Variants in NCOA2 observed in about 807,000 individuals in gnomAD.
NCOA2 encodes the protein nuclear receptor coactivator 2.
Under a neutral mutation model 145.1 loss-of-function variants are expected in NCOA2, and 21 were observed. The observed-to-expected ratio is 0.14, with a 90% CI of 0.10 to 0.21. The LOEUF (loss-of-function observed/expected upper bound fraction) is 0.21, where lower values mean the gene tolerates loss of function less well. NCOA2 is among the 10% of genes least tolerant of loss of function. NCOA2 has a pLI of 1.00. For missense variants in NCOA2, 1,472 were observed against 1,837.6 expected (o/e 0.80, Z 3.64); for synonymous variants, 619 against 637.5 (o/e 0.97, Z 0.44).
In NCOA2 at chr8:70,306,352, T is replaced by C. The variant is rs972002363; in HGVS notation, c.-76-9552A>G. Among the ~76,000 whole-genome samples, 5 of 152,270 alleles carry C rather than the reference T, an allele frequency of 3.3e-5. 1 individual carries two copies. In the South Asian group the frequency reaches 1.0e-3, roughly 32 times the overall value. On this transcript the variant is annotated intron_variant, in intron 1 of 22. Coordinates refer to ENST00000452400, the MANE Select transcript of NCOA2 (RefSeq NM_006540.4). ...TTAAAACTTGGGCCTCACTATCCTATCTTAACCAATTGCTATTCAACCTCC... is the reference window on the plus strand; with the variant it reads ...TTAAAACTTGGGCCTCACTATCCTACCTTAACCAATTGCTATTCAACCTCC...
At chr8:70,415,502 A>G in the NCOA2 span, among the ~76,000 whole-genome samples, 5 of 152,250 alleles carry the variant, frequency 3.3e-5, no homozygotes, top group African/African-American at 4.8e-5. Context: ...ATAAAATTCA[A>G]TGAAATCAAT....
At chr8:70,232,156 C>T (rs1230315711) in intron 2 of NCOA2, among the ~76,000 whole-genome samples, 1 of 152,176 alleles carries the variant, frequency 6.6e-6, no homozygotes, top group Non-Finnish European at 1.5e-5. Flanking sequence ...TTCATACTGT[C>T]TTCCTCCCCA....
At chr8:70,389,497 C>A (rs908767748) in intron 1 of NCOA2, among the ~76,000 whole-genome samples, 1 of 152,090 alleles carries the variant, frequency 6.6e-6, no homozygotes, top group Non-Finnish European at 1.5e-5. Context: ...TCAGGCTGGT[C>A]TCGAACTCCC....
At chr8:70,361,131 C>T (rs1810161570) in intron 1 of NCOA2, among the ~76,000 whole-genome samples, 1 of 152,110 alleles carries the variant, frequency 6.6e-6, no homozygotes, top group Non-Finnish European at 1.5e-5. Context: ...TGACCCTGAT[C>T]TTAATCTGTT....
At chr8:70,339,630 A>G (rs1807940401) in intron 1 of NCOA2, among the ~76,000 whole-genome samples, 1 of 152,184 alleles carries the variant, frequency 6.6e-6, no homozygotes, top group African/African-American at 2.4e-5. Flanking sequence ...AATAGCTAAG[A>G]CAATCCTAAG....
intron 1 of NCOA2, among the ~76,000 whole-genome samples, chr8:70,329,758 T>C (rs967274810): frequency 3.3e-5 from 5 of 152,184 alleles, no homozygotes; most frequent in African/African-American, 1.2e-4. Flanking sequence ...TAACGCTATA[T>C]ACTACAACAT....
upstream of NCOA2, among the ~76,000 whole-genome samples, chr8:70,408,628 G>C (rs1474553467): frequency 6.6e-6 from 1 of 152,010 alleles, no homozygotes; most frequent in Non-Finnish European, 1.5e-5. Flanking sequence ...GCAATACTGT[G>C]TCTCTTAAAA....
intron 20 of NCOA2, 50 bp downstream of exon 20, chr8:70,124,638 C>A: frequency 6.6e-7 from 1 of 1,525,602 alleles, no homozygotes; most frequent in Non-Finnish European, 8.8e-7. Context: ...TGGGGGATGT[C>A]CTTCAGCTGT....
chr8:70,427,294 TTAAC>T, the NCOA2 span, among the ~76,000 whole-genome samples: 14 of 152,184 alleles, frequency 9.2e-5, no homozygotes, highest in African/African-American at 3.4e-4. Context: ...AAAATGAAAA[TTAAC>T]TATGAATCTT....
intron 21 of NCOA2, among the ~76,000 whole-genome samples, chr8:70,123,536 CA>C (rs1479688950): frequency 6.6e-6 from 1 of 151,412 alleles, no homozygotes; most frequent in African/African-American, 2.4e-5. Flanking sequence ...AAAACCCCCC[CA>C]AACGATAACC....
At chr8:70,419,644 TG>T in the NCOA2 span, among the ~76,000 whole-genome samples, 1 of 152,176 alleles carries the variant, frequency 6.6e-6, no homozygotes, top group Non-Finnish European at 1.5e-5. Flanking sequence ...ATACTTTTAT[TG>T]CTTACTTGCT....
intron 1 of NCOA2, among the ~76,000 whole-genome samples, chr8:70,363,379 T>A (rs1810394286): frequency 7.2e-6 from 1 of 138,248 alleles, no homozygotes. Flanking sequence ...CTAGACACCA[T>A]CTCAAAAAAA....
intron 4 of NCOA2, among the ~76,000 whole-genome samples, chr8:70,177,396 T>A (rs7003804): frequency 1.3e-5 from 2 of 151,980 alleles, no homozygotes; most frequent in Non-Finnish European, 2.9e-5. Context: ...AATAGCACCG[T>A]CCCTATTTCA....
chr8:70,114,375 A>T (rs2131165432), intron 22 of NCOA2, among the ~76,000 whole-genome samples: 1 of 152,340 alleles, frequency 6.6e-6, no homozygotes, highest in South Asian at 2.1e-4. Flanking sequence ...GATGATGTGA[A>T]TGACTGAATA....
In NCOA2 at chr8:70,206,197, ATAAAC is replaced by A. The variant is rs1818422472; in HGVS notation, c.259+7701_259+7705del. ...ATTAGTGACAATGTCATAAGGAACT[ATAAAC>A]TAAGATATTTAAGAATTTCTCTATC... On this transcript the variant is annotated intron_variant, in intron 4 of 22. Transcript: ENST00000452400. Among the ~76,000 whole-genome samples the A allele has an allele frequency of 3.3e-5, 5 of 152,366 alleles. No homozygotes were observed. In the South Asian group the frequency reaches 1.0e-3, roughly 32 times the overall value.
intron 4 of NCOA2, among the ~76,000 whole-genome samples, chr8:70,203,661 T>C (rs1818153559): frequency 6.6e-6 from 1 of 152,090 alleles, no homozygotes; most frequent in Non-Finnish European, 1.5e-5. Context: ...TAATAAACAG[T>C]GGTATTTGTG....
chr8:70,347,293 G>A (rs553436883), intron 1 of NCOA2, among the ~76,000 whole-genome samples: 36 of 151,748 alleles, frequency 2.4e-4, no homozygotes, highest in Admixed American at 1.2e-3. Context: ...GAGACCAGCC[G>A]GGCCAACGTG....
chr8:70,423,532 T>C, the NCOA2 span, among the ~76,000 whole-genome samples: 6 of 152,046 alleles, frequency 3.9e-5, no homozygotes, highest in Non-Finnish European at 8.8e-5. Flanking sequence ...AGATGAAAAT[T>C]TTTCTCTCTC....
intron 1 of NCOA2, among the ~76,000 whole-genome samples, chr8:70,302,791 TTAA>T (rs1361307931): frequency 2.0e-5 from 3 of 152,152 alleles, no homozygotes; most frequent in Non-Finnish European, 2.9e-5. Context: ...GATATACAAT[TTAA>T]TAAATTTTCA....
Sources: gnomAD v4.1 joint callset for allele counts (sites outside exome capture counted in the v4.1 genomes callset) on GRCh38, gnomAD v4.1.1 for gene constraint, MANE v1.5 for transcripts, NCBI Gene and HGNC (gene_info 2026-07-23, HGNC 2026-07-21) for gene names.